Variants in BBX observed in about 807,000 individuals in gnomAD.
BBX encodes HMG box transcription factor BBX.
In BBX, 30 loss-of-function variants were observed where a neutral mutation model predicts 100.2. That is an observed-to-expected ratio of 0.30 (90% CI 0.22 to 0.41). BBX has a LOEUF of 0.41. Among genes scored for constraint, BBX ranks in the 10% least tolerant of loss-of-function variants. BBX has a pLI of 1.00. For synonymous variants in BBX, 376 were observed against 388.1 expected (o/e 0.97, Z 0.37); for missense variants, 1,023 against 1,129.8 (o/e 0.91, Z 1.35).
intron 2 of BBX, among the ~76,000 whole-genome samples, chr3:107,642,532 G>T (rs1396005925): frequency 6.6e-6 from 1 of 152,164 alleles, no homozygotes. Flanking sequence ...ACCTATACTT[G>T]CTTGGGGTCT....
intron 2 of BBX, among the ~76,000 whole-genome samples, chr3:107,560,471 T>C (rs1319328035): frequency 6.6e-6 from 1 of 152,216 alleles, no homozygotes; most frequent in East Asian, 1.9e-4. Flanking sequence ...TGATAAGCTG[T>C]GATAGTCAGA....
At chr3:107,805,076 ATGGAAG>A (rs1165942787) in intron 17 of BBX, among the ~76,000 whole-genome samples, 1 of 152,110 alleles carries the variant, frequency 6.6e-6, no homozygotes, top group Non-Finnish European at 1.5e-5. Context: ...TCTCTTCAAA[ATGGAAG>A]TGGTTAGTTG....
intron 3 of BBX, among the ~76,000 whole-genome samples, chr3:107,693,119 T>G (rs2060304841): frequency 6.7e-6 from 1 of 148,816 alleles, no homozygotes; most frequent in Non-Finnish European, 1.5e-5. Context: ...GATGAGTAGG[T>G]TGTGAAAATT....
chr3:107,580,453 T>A (rs984174380), intron 2 of BBX, among the ~76,000 whole-genome samples: 1 of 152,188 alleles, frequency 6.6e-6, no homozygotes, highest in African/African-American at 2.4e-5. Flanking sequence ...ACAATTTGTT[T>A]TATTTTACTG....
At chr3:107,760,905 A>AAGT (rs2065847430) in intron 10 of BBX, among the ~76,000 whole-genome samples, 1 of 152,156 alleles carries the variant, frequency 6.6e-6, no homozygotes, top group Admixed American at 6.6e-5. Context: ...TAGATTTCTG[A>AAGT]CTTCTGAAAA....
intron 2 of BBX, among the ~76,000 whole-genome samples, chr3:107,553,620 G>A (rs778611231): frequency 2.0e-5 from 3 of 152,188 alleles, no homozygotes; most frequent in South Asian, 2.1e-4. Context: ...CAAGAAAACC[G>A]TAGCTGGCAG....
intron 10 of BBX, among the ~76,000 whole-genome samples, chr3:107,757,177 A>G (rs1343986365): frequency 6.6e-6 from 1 of 151,986 alleles, no homozygotes; most frequent in Non-Finnish European, 1.5e-5. Flanking sequence ...CTTTCAATGT[A>G]TGATATTTAC....
chr3:107,666,910 A>G (rs1576252877), intron 3 of BBX, among the ~76,000 whole-genome samples: 1 of 152,030 alleles, frequency 6.6e-6, no homozygotes, highest in African/African-American at 2.4e-5. Context: ...CTAGCTGTTA[A>G]CCTCCTACCC....
intron 3 of BBX, among the ~76,000 whole-genome samples, chr3:107,692,288 G>C (rs2060230637): frequency 2.0e-5 from 3 of 151,872 alleles, no homozygotes; most frequent in Non-Finnish European, 1.5e-5. Flanking sequence ...CTGGTGCGCT[G>C]CACCTACTAA....
intron 2 of BBX, among the ~76,000 whole-genome samples, chr3:107,616,848 T>C (rs1395750872): frequency 1.3e-5 from 2 of 152,168 alleles, no homozygotes; most frequent in Admixed American, 1.3e-4. Flanking sequence ...AGCTTGTCTT[T>C]TCATCATCTT....
intron 13 of BBX, among the ~76,000 whole-genome samples, chr3:107,782,188 A>C (rs1166529195): frequency 6.6e-6 from 1 of 152,158 alleles, no homozygotes; most frequent in Non-Finnish European, 1.5e-5. Context: ...AGCCCAATGA[A>C]GTGGCTCCTC....
intron 2 of BBX, among the ~76,000 whole-genome samples, chr3:107,630,989 C>T (rs1236839777): frequency 6.6e-6 from 1 of 152,218 alleles, no homozygotes; most frequent in Non-Finnish European, 1.5e-5. Context: ...TGGGTGACAT[C>T]TCTTCACCAT....
chr3:107,772,320 T>C (rs1335400126), intron 10 of BBX, among the ~76,000 whole-genome samples: 2 of 152,132 alleles, frequency 1.3e-5, no homozygotes, highest in Admixed American at 1.3e-4. Context: ...GAATCAGACT[T>C]GGGTCTTTCA....
chr3:107,792,793 G>A (rs1207269527), intron 15 of BBX, among the ~76,000 whole-genome samples: 1 of 152,130 alleles, frequency 6.6e-6, no homozygotes, highest in African/African-American at 2.4e-5. Flanking sequence ...ACTAGCAGAA[G>A]AGTTTGAAGG....
chr3:107,747,872 A>T, intron 8 of BBX, 93 bp from the exon 9 acceptor site: 1 of 996,738 alleles, frequency 1.0e-6, no homozygotes, highest in South Asian at 1.6e-5. Context: ...TTAAATCTTT[A>T]TCAGTGTCTA....
In BBX at chr3:107,729,013, C is replaced by T. The variant is rs1254395219; in HGVS notation, c.601+53C>T. 8.4e-6 allele frequency: 13 copies of T among 1,547,442 alleles called. No homozygotes were observed. In the East Asian group the frequency reaches 9.0e-5, roughly 11 times the overall value. On this transcript the variant is annotated intron_variant, in intron 6 of 17. Coordinates refer to ENST00000325805, the MANE Select transcript of BBX (RefSeq NM_001142568.3). ...TCTTTAAGGACAGGGCAATACATTT[C>T]GGCAGCATTTTAAACAATACTGAGG...
In BBX at chr3:107,810,810, G is replaced by T. The variant is rs75599097; in HGVS notation, c.*5353G>T. ...ACATACCAGATTATAAACTCTTCTC[G>T]TAGGTTTGAATTGCTTACTCACATG... On this transcript the variant is annotated 3_prime_UTR_variant, in exon 18 of 18. Transcript: ENST00000325805. The T allele has an allele frequency of 2.0e-5, 3 of 152,118 alleles. No individual in the cohort carries two copies. Among genetic ancestry groups the T allele is most frequent in the East Asian group, 1.9e-4 (1 of 5,206 alleles). The allele number at this position is 152,118 out of a possible 1,614,324, so 9.4% of individuals were successfully genotyped here.
intron 2 of BBX, among the ~76,000 whole-genome samples, chr3:107,611,859 CT>C (rs1218996884): frequency 6.6e-6 from 1 of 152,078 alleles, no homozygotes; most frequent in Non-Finnish European, 1.5e-5. Flanking sequence ...AGTGCAGTAA[CT>C]CCTAGATTTT....
chr3:107,614,940 G>A (rs2055140690), intron 2 of BBX, among the ~76,000 whole-genome samples: 1 of 152,228 alleles, frequency 6.6e-6, no homozygotes, highest in Non-Finnish European at 1.5e-5. Context: ...GTGGCATGAT[G>A]TGGGTGGAAA....
Sources: allele counts gnomAD v4.1 joint callset (sites outside exome capture counted in the v4.1 genomes callset), GRCh38; gene constraint gnomAD v4.1.1; transcripts MANE v1.5; gene names NCBI Gene and HGNC (gene_info 2026-07-23, HGNC 2026-07-21).